The following ADGRL3 variants were observed in gnomAD, a reference collection of about 807,000 sequenced individuals.
ADGRL3 encodes calcium-independent alpha-latrotoxin receptor 3.
Under a neutral mutation model 153.5 loss-of-function variants are expected in ADGRL3, and 62 were observed. The observed-to-expected ratio is 0.40, with a 90% confidence interval of 0.33 to 0.50. ADGRL3 has a LOEUF of 0.50. ADGRL3 is among the 20% of genes least tolerant of loss of function. The pLI is 0.47. For missense variants in ADGRL3, 1,641 were observed against 1,859.4 expected (o/e 0.88, Z 2.16); for synonymous variants, 710 against 672.5 (o/e 1.06, Z -0.86).
chr4:61,776,253 C>T (rs1238988061), intron 8 of ADGRL3, among the ~76,000 whole-genome samples: 5 of 152,176 alleles, frequency 3.3e-5, no homozygotes, highest in South Asian at 2.1e-4. Flanking sequence ...GACTCGGCGG[C>T]AGCAGGGAAA....
At chr4:61,776,275 C>T (rs922235516) in intron 8 of ADGRL3, among the ~76,000 whole-genome samples, 11 of 152,208 alleles carry the variant, frequency 7.2e-5, no homozygotes, top group East Asian at 1.9e-4. Flanking sequence ...AGGCCTCACG[C>T]GCCGAAAAGG....
intron 4 of ADGRL3, among the ~76,000 whole-genome samples, chr4:61,520,710 G>T (rs1256189040): frequency 7.8e-6 from 1 of 128,344 alleles, no homozygotes; most frequent in Non-Finnish European, 1.7e-5. Context: ...GTCTGAGGGG[G>T]AGTACTAAAT....
chr4:61,646,652 G>C (rs1225280357), intron 5 of ADGRL3, among the ~76,000 whole-genome samples: 2 of 152,020 alleles, frequency 1.3e-5, no homozygotes, highest in Admixed American at 6.5e-5. Flanking sequence ...CTCCAGCTGC[G>C]TGCTGGGAGA....
At chr4:61,862,779 A>G (rs1178247574) in intron 9 of ADGRL3, among the ~76,000 whole-genome samples, 5 of 152,140 alleles carry the variant, frequency 3.3e-5, no homozygotes, top group Non-Finnish European at 7.3e-5. Flanking sequence ...CTCTTTTGAA[A>G]CAAGATCTCC....
intron 8 of ADGRL3, among the ~76,000 whole-genome samples, chr4:61,776,697 A>T (rs2097155514): frequency 2.0e-5 from 3 of 152,200 alleles, no homozygotes; most frequent in Admixed American, 2.0e-4. Context: ...ATAACATAAA[A>T]GAACTACTTG....
intron 21 of ADGRL3, among the ~76,000 whole-genome samples, chr4:62,021,397 G>A (rs1197651179): frequency 6.6e-6 from 1 of 152,048 alleles, no homozygotes. Flanking sequence ...AGGCAGGCTG[G>A]TTTGCACGTC....
At chr4:61,634,730 C>T (rs2093342591) in intron 5 of ADGRL3, among the ~76,000 whole-genome samples, 3 of 152,160 alleles carry the variant, frequency 2.0e-5, no homozygotes, top group East Asian at 1.9e-4. Flanking sequence ...ATGCCCTTCC[C>T]AGCTTAATGA....
intron 5 of ADGRL3, among the ~76,000 whole-genome samples, chr4:61,665,001 A>G (rs983023869): frequency 6.6e-6 from 1 of 152,176 alleles, no homozygotes; most frequent in Non-Finnish European, 1.5e-5. Context: ...CATTCCCCTT[A>G]TGTGATTATT....
chr4:61,255,649 A>G (rs540563659), intron 1 of ADGRL3, among the ~76,000 whole-genome samples: 1 of 152,304 alleles, frequency 6.6e-6, no homozygotes, highest in East Asian at 1.9e-4. Flanking sequence ...TTATTATTTT[A>G]CAGAGGGGAA....
intron 9 of ADGRL3, among the ~76,000 whole-genome samples, chr4:61,845,795 G>T (rs2149061674): frequency 6.6e-6 from 1 of 152,130 alleles, no homozygotes; most frequent in East Asian, 1.9e-4. Flanking sequence ...TGGCCATCTG[G>T]AGAAAAATCA....
At chr4:61,838,655 T>A (rs1395266758) in intron 9 of ADGRL3, among the ~76,000 whole-genome samples, 1 of 152,166 alleles carries the variant, frequency 6.6e-6, no homozygotes, top group Non-Finnish European at 1.5e-5. Context: ...ACCAACTCTA[T>A]TATATTAAGT....
chr4:61,569,606 A>T (rs1053948247), intron 4 of ADGRL3, among the ~76,000 whole-genome samples: 2 of 151,694 alleles, frequency 1.3e-5, no homozygotes, highest in East Asian at 3.9e-4. Context: ...AGCCCTAGGC[A>T]ACTTCTAATC....
At position 61,519,044 on chromosome 4, in the gene ADGRL3, A is replaced by G. The variant is rs2098514798; in HGVS notation, c.259+1526A>G. On this transcript the variant is annotated intron_variant, in intron 4 of 26. Coordinates refer to ENST00000683033, the MANE Select transcript of ADGRL3 (RefSeq NM_001387552.1). ...ACTCCAATGCCTGTACATTCATCGGACTTTCTAGAATTAAGAAGAAATACA... is the reference window on the plus strand; with the variant it reads ...ACTCCAATGCCTGTACATTCATCGGGCTTTCTAGAATTAAGAAGAAATACA... Among the ~76,000 whole-genome samples, 3 of 152,170 alleles carry G rather than the reference A, an allele frequency of 2.0e-5. No individual in the cohort carries two copies. In the South Asian group the frequency reaches 6.2e-4, roughly 31 times the overall value.
chr4:61,601,521 A>G (rs1265639379), intron 5 of ADGRL3, among the ~76,000 whole-genome samples: 4 of 152,220 alleles, frequency 2.6e-5, no homozygotes, highest in Non-Finnish European at 4.4e-5. Flanking sequence ...TTTGGGAACA[A>G]GTTTTTGCAC....
At chr4:61,855,199 T>C (rs1281089564) in intron 9 of ADGRL3, among the ~76,000 whole-genome samples, 1 of 152,206 alleles carries the variant, frequency 6.6e-6, no homozygotes, top group Admixed American at 6.5e-5. Context: ...TGTAAGATAT[T>C]AAAAATAGAA....
intron 1 of ADGRL3, among the ~76,000 whole-genome samples, chr4:61,258,711 C>T (rs1017286598): frequency 8.5e-5 from 13 of 152,110 alleles, no homozygotes; most frequent in African/African-American, 3.1e-4. Flanking sequence ...GGAGCGTACA[C>T]CCAGTGTACT....
intron 4 of ADGRL3, among the ~76,000 whole-genome samples, chr4:61,524,275 A>G (rs555580868): frequency 3.9e-4 from 59 of 152,210 alleles, no homozygotes; most frequent in Admixed American, 9.8e-4. Context: ...TGTCCATAAA[A>G]CATCAAACTT....
intron 1 of ADGRL3, among the ~76,000 whole-genome samples, chr4:61,338,228 G>A (rs2095723783): frequency 6.6e-6 from 1 of 151,390 alleles, no homozygotes; most frequent in African/African-American, 2.4e-5. Flanking sequence ...CTGAGATTAT[G>A]CCACCGCACT....
Position 62,037,823 on chromosome 4 carries a change from T to C in ADGRL3, c.3684T>C (p.Ser1228=), listed in dbSNP as rs2151591950. 6.2e-7 allele frequency: 1 copy of C among 1,613,762 alleles called. No homozygotes were observed. Among genetic ancestry groups the C allele is most frequent in the South Asian group, 1.1e-5 (1 of 91,080 alleles). The stretch of plus-strand genomic sequence containing the variant: ...TTGGTTCAGGGAAAACATCTGGTTC[T>C]CGAACTCCTGGACGCTACTCCACAG... The part of the protein sequence containing the change: ...SSIGSGKTSG[S]RTPGRYSTGS... The change falls in exon 24 of 27, where the codon TCT becomes TCC. Residue 1228 remains serine, a synonymous_variant. Coordinates refer to ENST00000683033, the MANE Select transcript of ADGRL3 (RefSeq NM_001387552.1).
Sources: allele counts gnomAD v4.1 joint callset (sites outside exome capture counted in the v4.1 genomes callset), GRCh38; gene constraint gnomAD v4.1.1; transcripts MANE v1.5; gene names NCBI Gene and HGNC (gene_info 2026-07-23, HGNC 2026-07-21).